Variants in CAPZB observed in about 807,000 individuals in gnomAD.
The protein encoded by CAPZB is capping actin protein of muscle Z-line subunit beta.
Under a neutral mutation model 38.1 loss-of-function variants are expected in CAPZB, and 2 were observed. The observed-to-expected ratio is 0.05, with a 90% CI of 0.02 to 0.17. CAPZB has a LOEUF of 0.17. Ranked by LOEUF, CAPZB falls within the 10% of genes least tolerant of loss-of-function variation. CAPZB has a pLI of 1.00. For missense variants in CAPZB, 161 were observed against 334.2 expected, an observed-to-expected ratio of 0.48 and a Z score of 4.04; for synonymous variants, 107 against 127.4, an observed-to-expected ratio of 0.84 and a Z score of 1.08.
intron 2 of CAPZB, among the ~76,000 whole-genome samples, chr1:19,396,472 C>T (rs1413295631): frequency 2.0e-5 from 3 of 152,194 alleles, no homozygotes; most frequent in East Asian, 1.9e-4. Context: ...TGTGCACCCA[C>T]TGGGCGTGGG....
chr1:19,405,034 A>G (rs2094324001), intron 2 of CAPZB, among the ~76,000 whole-genome samples: 1 of 152,038 alleles, frequency 6.6e-6, no homozygotes, highest in Admixed American at 6.6e-5. Context: ...CTCTGTCCAT[A>G]TACTGCCACC....
chr1:19,476,206 AGAT>A (rs2094606147), intron 1 of CAPZB, among the ~76,000 whole-genome samples: 3 of 151,482 alleles, frequency 2.0e-5, no homozygotes, highest in Non-Finnish European at 4.4e-5. Flanking sequence ...ATAGATAGAT[AGAT>A]AGATAGATAG....
intron 1 of CAPZB, among the ~76,000 whole-genome samples, chr1:19,463,310 C>T (rs555532912): frequency 6.6e-6 from 1 of 152,286 alleles, no homozygotes; most frequent in South Asian, 2.1e-4. Flanking sequence ...TTCTCCACAC[C>T]AGCAAACTGA....
intron 6 of CAPZB, among the ~76,000 whole-genome samples, chr1:19,353,541 G>C (rs1293556610): frequency 6.6e-6 from 1 of 151,666 alleles, no homozygotes; most frequent in Non-Finnish European, 1.5e-5. Flanking sequence ...TGACCTCTCT[G>C]CTGCAGGGCT....
chr1:19,350,687 T>G (rs2100281343), intron 6 of CAPZB, among the ~76,000 whole-genome samples: 1 of 152,284 alleles, frequency 6.6e-6, no homozygotes, highest in African/African-American at 2.4e-5. Context: ...TCACCACGGC[T>G]CACTGCAACC....
rs530201599 is a variant in CAPZB, at chr1:19,484,718, A to T, written c.3+718T>A. 2.6e-5 allele frequency: 28 copies of T among 1,070,852 alleles called. 1 individual carries two copies. The African/African-American group carries it at 3.7e-4, about 14-fold the overall frequency. The allele number at this position is 1,070,852 out of a possible 1,614,324, so 66.3% of individuals were successfully genotyped here. On this transcript the variant is annotated intron_variant, in intron 1 of 8. Coordinates refer to ENST00000264202, the MANE Select transcript of CAPZB (RefSeq NM_004930.5). Reference sequence around the variant, plus strand: ...GGGGCAGGACCCTGATGAGAGGCTCAGGGCGGGGACCGAGCGGGGCTGACG... The same window carrying T: ...GGGGCAGGACCCTGATGAGAGGCTCTGGGCGGGGACCGAGCGGGGCTGACG...
chr1:19,472,694 G>A (rs2094593281), intron 1 of CAPZB, among the ~76,000 whole-genome samples: 1 of 148,326 alleles, frequency 6.7e-6, no homozygotes, highest in Non-Finnish European at 1.5e-5. Flanking sequence ...TGCAACTACT[G>A]CGCTTTCATT....
chr1:19,398,776 G>A (rs1392381163), intron 2 of CAPZB, among the ~76,000 whole-genome samples: 1 of 152,030 alleles, frequency 6.6e-6, no homozygotes, highest in Non-Finnish European at 1.5e-5. Flanking sequence ...GGCAGTTAGG[G>A]CAGGTCGCAA....
intron 1 of CAPZB, among the ~76,000 whole-genome samples, chr1:19,456,744 T>C (rs2094534315): frequency 1.3e-5 from 2 of 152,196 alleles, no homozygotes; most frequent in Admixed American, 1.3e-4. Flanking sequence ...GAGCGGCCGA[T>C]GGCAGGGGCT....
chr1:19,472,374 A>G (rs2094591810), intron 1 of CAPZB, among the ~76,000 whole-genome samples: 1 of 152,184 alleles, frequency 6.6e-6, no homozygotes, highest in Admixed American at 6.5e-5. Flanking sequence ...GCATGAACTA[A>G]TAACCTGTCG....
chr1:19,344,305 A>T (rs1440928579), intron 8 of CAPZB, 53 bp downstream of exon 8: 5 of 1,444,848 alleles, frequency 3.5e-6, no homozygotes, highest in Non-Finnish European at 4.9e-6. Context: ...TGGCAGAGCC[A>T]GGGTTCAAAT....
At position 19,356,707 on chromosome 1, in the gene CAPZB, C is replaced by T. The variant is rs773641339; in HGVS notation, c.516G>A (p.Thr172=). ...TGTTGGTCTGCAGCCACAGCATCAC[C>T]GTGGAGGTCAACTTGTAATGGGCGG... The part of the protein sequence containing the change: ...GRTAHYKLTS[T]VMLWLQTNKS... Residue 172 remains threonine (T), a synonymous_variant, in exon 6 of 9, where the codon ACG becomes ACA. Coordinates refer to ENST00000264202, the MANE Select transcript of CAPZB (RefSeq NM_004930.5). The surrounding 1 kb of genome is among the most constrained non-coding windows in gnomAD (Gnocchi z 4.3). The T allele has an allele frequency of 1.2e-5, 19 of 1,614,004 alleles. No individual in the cohort carries two copies. In the East Asian group the frequency reaches 1.3e-4, roughly 11 times the overall value.
chr1:19,380,853 T>C (rs1271945754), intron 3 of CAPZB, among the ~76,000 whole-genome samples: 1 of 151,566 alleles, frequency 6.6e-6, no homozygotes, highest in Non-Finnish European at 1.5e-5. Flanking sequence ...AACTACACGC[T>C]CATTAAAAAA....
intron 2 of CAPZB, among the ~76,000 whole-genome samples, chr1:19,418,746 A>T (rs1412616180): frequency 6.6e-6 from 1 of 152,240 alleles, no homozygotes; most frequent in South Asian, 2.1e-4. Context: ...CTCTCCTAGC[A>T]GTCATATATT....
chr1:19,376,365 GGAGTATCCT>G (rs2094144592), intron 4 of CAPZB, among the ~76,000 whole-genome samples: 1 of 152,202 alleles, frequency 6.6e-6, no homozygotes, highest in Non-Finnish European at 1.5e-5. Context: ...CTGTATTCCT[GGAGTATCCT>G]GAGATGGCTC....
chr1:19,362,703 C>A (rs1363693743), intron 4 of CAPZB, among the ~76,000 whole-genome samples: 1 of 152,006 alleles, frequency 6.6e-6, no homozygotes, highest in Non-Finnish European at 1.5e-5. Context: ...AATGCATGAG[C>A]TTTTCCTAGG....
intron 8 of CAPZB, among the ~76,000 whole-genome samples, chr1:19,341,915 C>T (rs995935655): frequency 6.6e-5 from 10 of 152,190 alleles, no homozygotes; most frequent in Non-Finnish European, 7.3e-5. Context: ...GCCTTCAGTG[C>T]GCAGCCCCTG....
intron 4 of CAPZB, among the ~76,000 whole-genome samples, chr1:19,377,554 A>G (rs1205281111): frequency 3.9e-5 from 6 of 152,242 alleles, no homozygotes; most frequent in Non-Finnish European, 8.8e-5. Context: ...GGTGAATTTT[A>G]CATTTTAAAG....
intron 4 of CAPZB, among the ~76,000 whole-genome samples, chr1:19,371,285 T>A (rs1296539880): frequency 6.6e-6 from 1 of 152,128 alleles, no homozygotes; most frequent in Admixed American, 6.5e-5. Context: ...ACCCAAATGG[T>A]CCCGTATCTG....
Sources: allele counts gnomAD v4.1 joint callset (sites outside exome capture counted in the v4.1 genomes callset), GRCh38; gene constraint gnomAD v4.1.1; non-coding constraint Gnocchi (gnomAD v3.1); transcripts MANE v1.5; gene names NCBI Gene and HGNC (gene_info 2026-07-23, HGNC 2026-07-21).